The following GTF2IRD1 variants were observed in gnomAD, a reference collection of about 807,000 sequenced individuals.
The protein encoded by GTF2IRD1 is general transcription factor II-I repeat domain-containing protein 1.
In GTF2IRD1, 26 loss-of-function variants were observed where a neutral mutation model predicts 113.2. That is an observed-to-expected ratio of 0.23 (90% confidence interval 0.17 to 0.32). The LOEUF is 0.32. Ranked by LOEUF, GTF2IRD1 falls within the 10% of genes least tolerant of loss-of-function variation. GTF2IRD1 has a pLI of 1.00. For synonymous variants in GTF2IRD1, 484 were observed against 529.1 expected, an observed-to-expected ratio of 0.91 and a Z score of 1.17; for missense variants, 864 against 1,280.8, an observed-to-expected ratio of 0.67 and a Z score of 4.97.
At chr7:74,515,311 C>T (rs1316455212) in intron 3 of GTF2IRD1, 130 bp from the exon 4 acceptor site, 25 of 1,517,036 alleles carry the variant, frequency 1.6e-5, no homozygotes, top group Admixed American at 2.0e-5. Context: ...ATTCTTCATT[C>T]ATTCATTCAC....
chr7:74,589,747 A>T, intron 22 of GTF2IRD1, 104 bp from the exon 23 acceptor site: 1 of 697,426 alleles, frequency 1.4e-6, no homozygotes. Context: ...GGCCCTGCAG[A>T]GAATGTAATG....
chr7:74,602,345 C>A lies in GTF2IRD1; in HGVS notation c.2767-20C>A. On this transcript the variant is annotated intron_variant, in intron 26 of 26. Coordinates refer to ENST00000424337, the MANE Select transcript of GTF2IRD1 (RefSeq NM_005685.4). ...GCATCACCTGGAGTCCTAATCCAGTCCCTTTGTCCCTCTCTCTAGCAATGG... is the reference window on the plus strand; with the variant it reads ...GCATCACCTGGAGTCCTAATCCAGTACCTTTGTCCCTCTCTCTAGCAATGG... The A allele has an allele frequency of 1.2e-6, 2 of 1,610,556 alleles. No individual in the cohort carries two copies. The highest frequency in any genetic ancestry group is 1.7e-6 in the Non-Finnish European group (2 of 1,177,318).
chr7:74,524,018 C>T (rs1158755799), intron 7 of GTF2IRD1, 53 bp from the exon 8 acceptor site: 6 of 1,265,120 alleles, frequency 4.7e-6, no homozygotes, highest in Admixed American at 1.8e-5. Context: ...CGGTGGAGGG[C>T]GTGTGACCGT....
intron 1 of GTF2IRD1, among the ~76,000 whole-genome samples, chr7:74,502,244 G>C (rs906873192): frequency 6.6e-6 from 1 of 152,196 alleles, no homozygotes; most frequent in African/African-American, 2.4e-5. Context: ...CGGCCAGAAA[G>C]GGGAGTTTAT....
intron 1 of GTF2IRD1, among the ~76,000 whole-genome samples, chr7:74,471,690 CAAAAAAAAAAA>C (rs1562776606): frequency 4.5e-4 from 18 of 40,340 alleles, no homozygotes; most frequent in African/African-American, 1.0e-3. Context: ...AAAAAAAAAA[CAAAAAAAAAAA>C]CAAAAAAAAC....
At chr7:74,485,395 A>T (rs1554335403) in intron 1 of GTF2IRD1, among the ~76,000 whole-genome samples, 7 of 152,088 alleles carry the variant, frequency 4.6e-5, no homozygotes, top group African/African-American at 1.7e-4. Flanking sequence ...AGGCGGGCGG[A>T]TCACGAGGTC....
intron 22 of GTF2IRD1, among the ~76,000 whole-genome samples, chr7:74,576,515 C>T (rs1464723823): frequency 7.5e-6 from 1 of 133,882 alleles, no homozygotes; most frequent in African/African-American, 2.8e-5. Context: ...GAGCTGAGAT[C>T]GTGCCATTGC....
At chr7:74,490,984 C>T (rs969842041) in intron 1 of GTF2IRD1, among the ~76,000 whole-genome samples, 4 of 151,988 alleles carry the variant, frequency 2.6e-5, no homozygotes, top group Admixed American at 1.3e-4. Context: ...TGCTGTAACA[C>T]GGGCCACACA....
At chr7:74,589,058 A>T (rs1271160884) in intron 22 of GTF2IRD1, among the ~76,000 whole-genome samples, 2 of 152,050 alleles carry the variant, frequency 1.3e-5, no homozygotes, top group African/African-American at 2.4e-5. Context: ...GGACACTGAT[A>T]AAAAAATGTG....
chr7:74,500,708 A>G (rs1554339236), intron 1 of GTF2IRD1, among the ~76,000 whole-genome samples: 3 of 152,086 alleles, frequency 2.0e-5, no homozygotes, highest in Non-Finnish European at 1.5e-5. Flanking sequence ...ACAGACACAC[A>G]TTGATGCTTC....
At chr7:74,563,191 G>A (rs1430496222) in intron 22 of GTF2IRD1, among the ~76,000 whole-genome samples, 4 of 138,606 alleles carry the variant, frequency 2.9e-5, no homozygotes, top group African/African-American at 1.1e-4. Context: ...TGGGAGAGTG[G>A]AAACCGAGTG....
intron 23 of GTF2IRD1, 110 bp from the exon 24 acceptor site, chr7:74,590,715 G>A: frequency 1.5e-6 from 1 of 660,894 alleles, no homozygotes; most frequent in South Asian, 2.3e-5. Context: ...TAAACTCTCT[G>A]GGTGTGATGG....
intron 17 of GTF2IRD1, among the ~76,000 whole-genome samples, chr7:74,550,254 A>G (rs1418829800): frequency 1.8e-4 from 18 of 101,626 alleles, no homozygotes; most frequent in Admixed American, 1.5e-3. Context: ...CATGATAGAC[A>G]TATAGCCCAT....
chr7:74,474,069 C>CAA (rs782128880), intron 1 of GTF2IRD1, among the ~76,000 whole-genome samples: 1 of 87,542 alleles, frequency 1.1e-5, no homozygotes. Flanking sequence ...ACTAAAAATA[C>CAA]AAAAAAAAAA....
At chr7:74,537,279 G>A (rs1173946223) in intron 11 of GTF2IRD1, among the ~76,000 whole-genome samples, 7 of 151,944 alleles carry the variant, frequency 4.6e-5, no homozygotes, top group African/African-American at 1.5e-4. Flanking sequence ...CAGGCGCAGC[G>A]GCGCATGCCT....
chr7:74,537,757 C>T (rs1313466834), intron 11 of GTF2IRD1, among the ~76,000 whole-genome samples: 2 of 152,194 alleles, frequency 1.3e-5, no homozygotes, highest in Admixed American at 6.5e-5. Context: ...GCCCCTTCCC[C>T]AGATTTTTAA....
intron 22 of GTF2IRD1, among the ~76,000 whole-genome samples, chr7:74,575,083 T>C (rs1800953346): frequency 7.9e-6 from 1 of 126,302 alleles, no homozygotes; most frequent in African/African-American, 3.1e-5. Context: ...AGAGCGAAAC[T>C]CCGTCTCAAA....
At chr7:74,509,823 C>A (rs546386027) in intron 2 of GTF2IRD1, among the ~76,000 whole-genome samples, 1 of 152,110 alleles carries the variant, frequency 6.6e-6, no homozygotes, top group East Asian at 2.0e-4. Context: ...CAGGCCCCCA[C>A]CACCACACGT....
At chr7:74,508,422 T>G (rs1219588630) in intron 2 of GTF2IRD1, among the ~76,000 whole-genome samples, 1 of 152,124 alleles carries the variant, frequency 6.6e-6, no homozygotes, top group Non-Finnish European at 1.5e-5. Context: ...CCGGGCACAG[T>G]GGCTCATGCC....
Sources: gnomAD v4.1 joint callset for allele counts (sites outside exome capture counted in the v4.1 genomes callset) on GRCh38, gnomAD v4.1.1 for gene constraint, MANE v1.5 for transcripts, NCBI Gene and HGNC (gene_info 2026-07-23, HGNC 2026-07-21) for gene names.